NCEH1: variants seen among roughly 807,000 people sequenced by gnomAD.
The protein encoded by NCEH1 is 2-acetyl MAGE hydrolase.
Under a neutral mutation model 25.4 loss-of-function variants are expected in NCEH1, and 9 were observed. The observed-to-expected ratio is 0.35, with a 90% CI of 0.21 to 0.62. The LOEUF (loss-of-function observed/expected upper bound fraction) is 0.62, where lower values mean the gene tolerates loss of function less well. Ranked by LOEUF, NCEH1 falls within the 20% of genes least tolerant of loss-of-function variation. The probability of loss-of-function intolerance (pLI) is 0.72; values close to 1 mark genes in which losing one functional copy is unlikely to be tolerated. For synonymous variants in NCEH1, 200 were observed against 199.8 expected, an observed-to-expected ratio of 1.00 and a Z score of -0.01; for missense variants, 412 against 501.1, an observed-to-expected ratio of 0.82 and a Z score of 1.70.
intron 1 of NCEH1, among the ~76,000 whole-genome samples, chr3:172,667,318 G>A (rs1005632295): frequency 2.4e-4 from 36 of 152,216 alleles, no homozygotes; most frequent in African/African-American, 8.7e-4. Context: ...TTTTCTAGGA[G>A]TAAATGCTTT....
intron 1 of NCEH1, among the ~76,000 whole-genome samples, chr3:172,650,189 G>T (rs915011140): frequency 1.3e-5 from 2 of 152,162 alleles, no homozygotes; most frequent in Admixed American, 1.3e-4. Context: ...GTGGTGTGGG[G>T]GTAGAAGTGC....
chr3:172,639,710 C>A (rs918264100), intron 3 of NCEH1, among the ~76,000 whole-genome samples: 3 of 152,166 alleles, frequency 2.0e-5, no homozygotes, highest in Non-Finnish European at 4.4e-5. Flanking sequence ...TCTGCAATGA[C>A]AAGTGGATTA....
At chr3:172,662,752 T>C (rs1002936586) in intron 1 of NCEH1, among the ~76,000 whole-genome samples, 2 of 152,244 alleles carry the variant, frequency 1.3e-5, no homozygotes, top group Non-Finnish European at 2.9e-5. Context: ...TTTATTTGCG[T>C]AGAGGTGTTC....
intron 1 of NCEH1, among the ~76,000 whole-genome samples, chr3:172,671,500 T>TACATACAC (rs933047237): frequency 2.6e-5 from 3 of 114,438 alleles, no homozygotes; most frequent in East Asian, 2.4e-4. Context: ...TACACACACA[T>TACATACAC]ACACATACAC....
intron 3 of NCEH1, among the ~76,000 whole-genome samples, chr3:172,641,975 A>G (rs953842455): frequency 3.3e-5 from 5 of 152,032 alleles, no homozygotes; most frequent in African/African-American, 1.2e-4. Context: ...TTTTAACATT[A>G]CTTATTCAAG....
At chr3:172,693,636 C>T (rs557104827) in intron 1 of NCEH1, among the ~76,000 whole-genome samples, 39 of 152,308 alleles carry the variant, frequency 2.6e-4, no homozygotes, top group African/African-American at 8.7e-4. Context: ...AGTAATTGAA[C>T]ATCACTACCA....
At chr3:172,706,223 G>C (rs1289527788) in intron 1 of NCEH1, among the ~76,000 whole-genome samples, 1 of 151,852 alleles carries the variant, frequency 6.6e-6, no homozygotes, top group Non-Finnish European at 1.5e-5. Context: ...AGAAAATCTA[G>C]AATACACCAA....
At chr3:172,634,134 C>A in intron 4 of NCEH1, 42 bp from the exon 5 acceptor site, 1 of 1,573,242 alleles carries the variant, frequency 6.4e-7, no homozygotes, top group Non-Finnish European at 8.6e-7. Flanking sequence ...TTTTGCATGC[C>A]TTCTTTTATA....
At chr3:172,661,508 AAG>A (rs1717971572) in intron 1 of NCEH1, among the ~76,000 whole-genome samples, 1 of 152,082 alleles carries the variant, frequency 6.6e-6, no homozygotes, top group Non-Finnish European at 1.5e-5. Context: ...CAATTCTGTG[AAG>A]AGTCATTGGT....
intron 3 of NCEH1, among the ~76,000 whole-genome samples, chr3:172,642,960 CAG>C (rs1716931175): frequency 6.6e-6 from 1 of 152,060 alleles, no homozygotes; most frequent in African/African-American, 2.4e-5. Context: ...TTTTTTGAGA[CAG>C]AGTTTCGCTT....
intron 1 of NCEH1, among the ~76,000 whole-genome samples, chr3:172,648,418 T>C (rs1717230848): frequency 6.6e-6 from 1 of 152,192 alleles, no homozygotes; most frequent in Admixed American, 6.5e-5. Flanking sequence ...AAGATTAGGT[T>C]TGAATTCCAG....
chr3:172,650,812 GAAAAAAAAA>G (rs768170518), intron 1 of NCEH1, among the ~76,000 whole-genome samples: 1 of 35,884 alleles, frequency 2.8e-5, no homozygotes, highest in East Asian at 7.2e-4. Context: ...ACTCTGCCTC[GAAAAAAAAA>G]AAAAAAAAAA....
At chr3:172,636,930 A>C (rs1716621013) in intron 3 of NCEH1, among the ~76,000 whole-genome samples, 1 of 151,556 alleles carries the variant, frequency 6.6e-6, no homozygotes, top group Non-Finnish European at 1.5e-5. Flanking sequence ...ATTAATTCTC[A>C]CTCATCCTTT....
At chr3:172,658,011 G>A (rs1349171563) in intron 1 of NCEH1, among the ~76,000 whole-genome samples, 5 of 152,198 alleles carry the variant, frequency 3.3e-5, no homozygotes, top group South Asian at 2.1e-4. Context: ...GACCTACTGG[G>A]CTGCATTCTC....
At chr3:172,674,745 A>AT (rs1437850835) in intron 1 of NCEH1, among the ~76,000 whole-genome samples, 2 of 152,228 alleles carry the variant, frequency 1.3e-5, no homozygotes, top group Non-Finnish European at 2.9e-5. Context: ...CAATAGAACT[A>AT]TACACTGTGG....
At position 172,647,949 on chromosome 3, in the gene NCEH1, C is replaced by A; in HGVS notation, c.304G>T (p.Glu102Ter). 1 of 1,614,178 alleles carries A rather than the reference C, an allele frequency of 6.2e-7. No individual in the cohort carries two copies. Among genetic ancestry groups the A allele is most frequent in the Non-Finnish European group, 8.5e-7 (1 of 1,180,034 alleles). Reference protein sequence around the residue: ...VRVFEGPPKPEEPLKRSVVYI... With the variant: ...VRVFEGPPKP ...ACGACGCTGCGTTTCAGTGGCTCTT[C>A]GGGCTTCGGAGGGCCTTCAAACACT... Residue 102 changes from glutamate to a stop codon, truncating the protein, a stop_gained, in exon 2 of 5, where the codon GAA becomes TAA. Coordinates refer to ENST00000475381, the MANE Select transcript of NCEH1 (RefSeq NM_020792.6). LOFTEE classifies it high-confidence loss of function.
At chr3:172,662,042 G>A (rs1176126782) in intron 1 of NCEH1, among the ~76,000 whole-genome samples, 1 of 151,994 alleles carries the variant, frequency 6.6e-6, no homozygotes, top group African/African-American at 2.4e-5. Context: ...CCCTCCTCTT[G>A]TGCCAGTTTT....
At chr3:172,692,617 A>T (rs619809) in intron 1 of NCEH1, among the ~76,000 whole-genome samples, 8 of 151,910 alleles carry the variant, frequency 5.3e-5, no homozygotes, top group Non-Finnish European at 1.2e-4. Context: ...CACTTGCCTC[A>T]GCCTCCTAGA....
intron 1 of NCEH1, among the ~76,000 whole-genome samples, chr3:172,651,811 C>T (rs4894574): frequency 6.6e-6 from 1 of 151,830 alleles, no homozygotes; most frequent in Non-Finnish European, 1.5e-5. Context: ...CACCCACCTC[C>T]GCCTCCCAAA....
Sources: gnomAD v4.1 joint callset for allele counts (sites outside exome capture counted in the v4.1 genomes callset) on GRCh38, gnomAD v4.1.1 for gene constraint, MANE v1.5 for transcripts, NCBI Gene and HGNC (gene_info 2026-07-23, HGNC 2026-07-21) for gene names.